CADM2: variants seen among roughly 807,000 people sequenced by gnomAD.
CADM2 encodes the protein cell adhesion molecule 2.
Under a neutral mutation model 49.8 loss-of-function variants are expected in CADM2, and 12 were observed. The observed-to-expected ratio is 0.24, with a 90% confidence interval of 0.15 to 0.39. The LOEUF (loss-of-function observed/expected upper bound fraction) is 0.39. Ranked by LOEUF, CADM2 falls within the 10% of genes least tolerant of loss-of-function variation. The pLI is 1.00. For synonymous variants in CADM2, 214 were observed against 175.4 expected (o/e 1.22, Z -1.74); for missense variants, 378 against 492.3 (o/e 0.77, Z 2.20).
intron 1 of CADM2, among the ~76,000 whole-genome samples, chr3:85,254,523 T>C (rs2042842416): frequency 6.6e-6 from 1 of 152,066 alleles, no homozygotes; most frequent in Non-Finnish European, 1.5e-5. Context: ...ATCCTGAAGC[T>C]ACCTAGAGTC....
chr3:85,918,198 G>GA (rs1392999153), intron 6 of CADM2, among the ~76,000 whole-genome samples: 5 of 152,118 alleles, frequency 3.3e-5, no homozygotes, highest in Non-Finnish European at 7.4e-5. Context: ...ATGTTGAATA[G>GA]GGGTGGTGAG....
Position 85,700,439 on chromosome 3 carries a change from C to A in CADM2, c.62-26083C>A, listed in dbSNP as rs1343522450. On this transcript the variant is annotated intron_variant, in intron 1 of 9. Transcript: ENST00000383699. The stretch of plus-strand genomic sequence containing the variant: ...CCATGGCATGTGTATGCCTATGTAA[C>A]AAAATTGTACATTCTGCATATGTAC... 2.0e-5 allele frequency among the ~76,000 whole-genome samples: 3 copies of A among 152,070 alleles called. No homozygotes were observed. In the East Asian group the frequency reaches 5.8e-4, roughly 29 times the overall value.
At chr3:85,318,913 T>A (rs914331966) in intron 1 of CADM2, among the ~76,000 whole-genome samples, 5 of 152,222 alleles carry the variant, frequency 3.3e-5, no homozygotes, top group Non-Finnish European at 7.3e-5. Context: ...TGATGAATAA[T>A]GTAATTTACT....
At chr3:85,710,576 G>C (rs371214760) in intron 1 of CADM2, among the ~76,000 whole-genome samples, 7 of 152,000 alleles carry the variant, frequency 4.6e-5, no homozygotes, top group African/African-American at 1.7e-4. Flanking sequence ...CTTCGAAATT[G>C]TTTCCACATC....
intron 1 of CADM2, among the ~76,000 whole-genome samples, chr3:85,440,382 TAG>T (rs1284576220): frequency 6.6e-6 from 1 of 152,182 alleles, no homozygotes; most frequent in Non-Finnish European, 1.5e-5. Context: ...GTAAAGTTAG[TAG>T]GTTGAACTGG....
intron 1 of CADM2, among the ~76,000 whole-genome samples, chr3:85,683,124 C>T (rs959907683): frequency 2.0e-5 from 3 of 151,714 alleles, no homozygotes; most frequent in African/African-American, 4.8e-5. Flanking sequence ...ACTGTGAGTG[C>T]CACCTAGATA....
chr3:85,888,191 AAGG>A (rs71617948), intron 5 of CADM2, among the ~76,000 whole-genome samples: 25,823 of 152,040 alleles, frequency 0.17, 2,213 homozygotes, highest in East Asian at 0.2. Flanking sequence ...TTGTATCCTC[AAGG>A]AGGTCATACA....
Position 84,960,763 on chromosome 3 carries a change from G to A in CADM2, c.61+1095G>A, listed in dbSNP as rs139935635. ...CCTCTTTTTTGGAGGAGGGAGTGAG[G>A]GGGCTGTGTGGAATGGGAGGACGAT... On this transcript the variant is annotated intron_variant, in intron 1 of 9. Coordinates refer to ENST00000383699, the MANE Select transcript of CADM2 (RefSeq NM_001167675.2). Among the ~76,000 whole-genome samples, 31 of 152,242 alleles carry A rather than the reference G, an allele frequency of 2.0e-4. No individual in the cohort carries two copies. In the East Asian group the frequency reaches 5.0e-3, roughly 25 times the overall value.
chr3:85,188,330 A>C (rs2041114041), intron 1 of CADM2, among the ~76,000 whole-genome samples: 1 of 152,124 alleles, frequency 6.6e-6, no homozygotes, highest in South Asian at 2.1e-4. Context: ...ATATGTGACC[A>C]AAAAATGCTA....
chr3:85,390,694 G>T (rs910455015), intron 1 of CADM2, among the ~76,000 whole-genome samples: 1 of 151,974 alleles, frequency 6.6e-6, no homozygotes, highest in Non-Finnish European at 1.5e-5. Flanking sequence ...AATATAAAAT[G>T]CATTTCAGTT....
intron 1 of CADM2, among the ~76,000 whole-genome samples, chr3:85,518,762 C>T (rs1315635183): frequency 6.6e-6 from 1 of 152,120 alleles, no homozygotes; most frequent in African/African-American, 2.4e-5. Flanking sequence ...CTTCCACACT[C>T]TCATTAAGGA....
At chr3:85,842,732 A>G (rs992430248) in intron 3 of CADM2, among the ~76,000 whole-genome samples, 2 of 152,120 alleles carry the variant, frequency 1.3e-5, no homozygotes, top group Non-Finnish European at 2.9e-5. Flanking sequence ...TCATCTGTTT[A>G]TTAAACTTAG....
At chr3:85,867,848 C>T (rs973707696) in intron 3 of CADM2, among the ~76,000 whole-genome samples, 1 of 152,006 alleles carries the variant, frequency 6.6e-6, no homozygotes, top group Admixed American at 6.6e-5. Flanking sequence ...TCACCACTTC[C>T]TTTTCCTTTT....
At chr3:85,903,078 C>T (rs949776605) in intron 5 of CADM2, among the ~76,000 whole-genome samples, 7 of 151,896 alleles carry the variant, frequency 4.6e-5, no homozygotes, top group East Asian at 1.9e-4. Context: ...CCTTATTCTA[C>T]GAAAAACTTA....
intron 5 of CADM2, among the ~76,000 whole-genome samples, chr3:85,894,194 G>T (rs554456080): frequency 3.3e-5 from 5 of 152,202 alleles, no homozygotes; most frequent in African/African-American, 1.2e-4. Flanking sequence ...CATGTCCTTT[G>T]TAGGGACATG....
At chr3:85,437,001 A>T (rs1017485870) in intron 1 of CADM2, among the ~76,000 whole-genome samples, 2 of 152,088 alleles carry the variant, frequency 1.3e-5, no homozygotes, top group African/African-American at 2.4e-5. Flanking sequence ...CTGCCTATTC[A>T]TTCCTTCCTC....
intron 1 of CADM2, among the ~76,000 whole-genome samples, chr3:85,148,319 A>G (rs1031415264): frequency 1.3e-5 from 2 of 152,184 alleles, no homozygotes; most frequent in African/African-American, 4.8e-5. Context: ...TTTAGCAACT[A>G]CTTGAGATGA....
chr3:85,852,413 T>C (rs2075143726), intron 3 of CADM2, among the ~76,000 whole-genome samples: 1 of 152,106 alleles, frequency 6.6e-6, no homozygotes, highest in African/African-American at 2.4e-5. Flanking sequence ...TTCTTTCAGA[T>C]CCTTTAAGAT....
intron 1 of CADM2, among the ~76,000 whole-genome samples, chr3:85,174,435 T>C (rs1412364558): frequency 1.3e-5 from 2 of 151,814 alleles, no homozygotes; most frequent in African/African-American, 4.8e-5. Flanking sequence ...ACCGCATTAA[T>C]GTGAGGTGAC....
Sources: gnomAD v4.1 joint callset for allele counts (sites outside exome capture counted in the v4.1 genomes callset) on GRCh38, gnomAD v4.1.1 for gene constraint, MANE v1.5 for transcripts, NCBI Gene and HGNC (gene_info 2026-07-23, HGNC 2026-07-21) for gene names.